Variants in NUMBL observed in about 807,000 individuals in gnomAD.
NUMBL encodes the protein NUMB like endocytic adaptor protein, also known as numb-like protein.
In NUMBL, 20 loss-of-function variants were observed where a neutral mutation model predicts 48.9. That is an observed-to-expected ratio of 0.41 (90% CI 0.29 to 0.59). NUMBL has a LOEUF of 0.59. Among genes scored for constraint, NUMBL ranks in the 20% least tolerant of loss-of-function variants. The probability of loss-of-function intolerance (pLI) is 0.31; values close to 1 mark genes in which losing one functional copy is unlikely to be tolerated. For missense variants in NUMBL, 660 were observed against 846.2 expected (o/e 0.78, Z 2.73); for synonymous variants, 340 against 348.7 (o/e 0.98, Z 0.28).
Position 40,680,960 on chromosome 19 carries a change from G to A in NUMBL, c.497C>T (p.Thr166Ile). ...AAAACAGTGGCAGATCCAGCGGCGG[G>A]TAGTCCCGTCACGACAGATATAGGA... ...AFSYICRDGT[T>I]RRWICHCFLA... is the part of the protein sequence containing the mutation. The change falls in exon 6 of 10, where the codon ACC becomes ATC. Residue 166 changes from threonine to isoleucine, a missense_variant. Physicochemically the swap from Thr to Ile is moderately conservative, Grantham distance 89 (BLOSUM62 -1). This residue lies in a region of NUMBL where 278 missense variants were observed against 420.6 expected (regional missense o/e 0.66). Coordinates refer to ENST00000252891, the MANE Select transcript of NUMBL (RefSeq NM_004756.5). 2 of 1,614,198 alleles carry A rather than the reference G, an allele frequency of 1.2e-6. No homozygotes were observed. The highest frequency in any genetic ancestry group is 1.7e-6 in the Non-Finnish European group (2 of 1,180,042).
Position 40,673,510 on chromosome 19 carries a change from G to A in NUMBL, c.870C>T (p.Ile290=). 6.4e-7 allele frequency: 1 copy of A among 1,572,170 alleles called. No homozygotes were observed. The highest frequency in any genetic ancestry group is 8.6e-7 in the Non-Finnish European group (1 of 1,159,024). The change falls in exon 8 of 10, where the codon ATC becomes ATT. Residue 290 remains isoleucine, a synonymous_variant. Transcript: ENST00000252891. The surrounding 1 kb of genome is among the most constrained non-coding windows in gnomAD (Gnocchi z 5.9). ...GCTCCAGGGGTGCATGGCGCCGGGG[G>A]ATGGCGGCCGCAGTGGTGCCTGCAG... The part of the protein sequence containing the change: ...PVAAGTTAAA[I]PRRHAPLEQL...
At chr19:40,690,257 A>C in intron 1 of NUMBL, 2 of 368,394 alleles carry the variant, frequency 5.4e-6, no homozygotes, top group Non-Finnish European at 4.8e-6. Context: ...GGCCTTGGCA[A>C]GAGATGGCCC....
intron 8 of NUMBL, among the ~76,000 whole-genome samples, 194 bp from the exon 9 acceptor site, chr19:40,670,214 T>C (rs923007167): frequency 2.0e-5 from 3 of 152,120 alleles, no homozygotes; most frequent in African/African-American, 7.2e-5. Flanking sequence ...ACTGAGTTAG[T>C]GTGTGACATT....
At chr19:40,675,533 T>A (rs2081871182) in intron 7 of NUMBL, among the ~76,000 whole-genome samples, 1 of 150,022 alleles carries the variant, frequency 6.7e-6, no homozygotes, top group African/African-American at 2.5e-5. Context: ...AATAAATAAA[T>A]TAATTATATG....
At position 40,667,617 on chromosome 19, in the gene NUMBL, G is replaced by T. The variant is rs1319820105; in HGVS notation, c.1681C>A (p.Pro561Thr). ...SQARPRPNGAPWPPEPAPAPA... is the reference protein window; with the variant it reads ...SQARPRPNGATWPPEPAPAPA... ...GCAGGCGCTGGCTCAGGGGGCCAGG[G>T]GGCCCCATTGGGGCGAGGGCGGGCC... Residue 561 changes from proline (P) to threonine (T), a missense_variant, in exon 10 of 10, where the codon CCC becomes ACC. This residue lies in a region of NUMBL where 296 missense variants were observed against 339.7 expected (regional missense o/e 0.87). Coordinates refer to ENST00000252891, the MANE Select transcript of NUMBL (RefSeq NM_004756.5). This position sits in a 1 kb window ranked among gnomAD's most constrained non-coding sequence, Gnocchi z 6.1. 9.0e-6 allele frequency: 14 copies of T among 1,554,680 alleles called. No homozygotes were observed. The Admixed American group carries it at 1.2e-4, about 13-fold the overall frequency.
intron 8 of NUMBL, among the ~76,000 whole-genome samples, chr19:40,671,810 T>C (rs1488167258): frequency 1.3e-5 from 2 of 152,140 alleles, no homozygotes; most frequent in Admixed American, 1.3e-4. Flanking sequence ...ACAGCCCTTC[T>C]GCCTGCCTCC....
In NUMBL at chr19:40,667,637, C is replaced by A; in HGVS notation, c.1661G>T (p.Arg554Leu). ...AIPSAPGSQA[R>L]PRPNGAPWPP... ...CCAGGGGGCCCCATTGGGGCGAGGG[C>A]GGGCCTGGCTCCCAGGGGCACTGGG... Residue 554 changes from arginine (R) to leucine (L), a missense_variant, in exon 10 of 10, where the codon CGC becomes CTC. Arg to Leu is a moderately radical substitution (Grantham distance 102, BLOSUM62 -2). Around this residue, in one of 3 missense-constraint regions of NUMBL, gnomAD observed 296 missense variants for 339.7 expected, o/e 0.87. Transcript: ENST00000252891. This position sits in a 1 kb window ranked among gnomAD's most constrained non-coding sequence, Gnocchi z 6.1. 1 of 1,556,812 alleles carries A rather than the reference C, an allele frequency of 6.4e-7. No homozygotes were observed. The highest frequency in any genetic ancestry group is 8.7e-7 in the Non-Finnish European group (1 of 1,150,424).
At chr19:40,680,695 C>T (rs753943570) in intron 6 of NUMBL, among the ~76,000 whole-genome samples, 26 of 152,138 alleles carry the variant, frequency 1.7e-4, no homozygotes, top group Non-Finnish European at 2.8e-4. Flanking sequence ...GCAATCCCCC[C>T]GCCCCAGCAT....
chr19:40,687,030 G>A lies in NUMBL; in HGVS notation c.25-35C>T, dbSNP rs976109564. 1 of 1,343,708 alleles carries A rather than the reference G, an allele frequency of 7.4e-7. No homozygotes were observed. Among genetic ancestry groups the A allele is most frequent in the Non-Finnish European group, 1.0e-6 (1 of 1,001,526 alleles). 83.2% of individuals were successfully genotyped at this position (1,343,708 alleles called of 1,614,324 possible). A position where few individuals can be genotyped will look rare whatever the true frequency, so the allele number is the denominator to read the frequency against. On this transcript the variant is annotated intron_variant, in intron 1 of 9. Coordinates refer to ENST00000252891, the MANE Select transcript of NUMBL (RefSeq NM_004756.5). This position sits in a 1 kb window ranked among gnomAD's most constrained non-coding sequence, Gnocchi z 4.6. ...TAGGGGAGGAGAAGGTGAGAAGTTT[G>A]TCTGGGTTGGGGCTCAGTCTGATAC...
In NUMBL at chr19:40,673,529, C is replaced by T; in HGVS notation, c.851G>A (p.Gly284Asp). The change falls in exon 8 of 10, where the codon GGC becomes GAC. Residue 284 changes from glycine to aspartate, a missense_variant. Physicochemically the swap from Gly to Asp is moderately conservative, Grantham distance 94 (BLOSUM62 -1). Coordinates refer to ENST00000252891, the MANE Select transcript of NUMBL (RefSeq NM_004756.5). The surrounding 1 kb of genome is among the most constrained non-coding windows in gnomAD (Gnocchi z 5.9). ...CCGGGGGATGGCGGCCGCAGTGGTG[C>T]CTGCAGCCACAGGGGTGCCTGCCTC... Reference protein sequence around the residue: ...KGEAGTPVAAGTTAAAIPRRH... With the variant: ...KGEAGTPVAADTTAAAIPRRH... 1 of 1,560,458 alleles carries T rather than the reference C, an allele frequency of 6.4e-7. No homozygotes were observed.
chr19:40,689,611 G>C (rs2081952455), intron 1 of NUMBL: 1 of 152,442 alleles, frequency 6.6e-6, no homozygotes, highest in East Asian at 1.9e-4. Flanking sequence ...CAGACAGACA[G>C]GGCTGCACCC....
rs780141573 is a variant in NUMBL, at chr19:40,669,940, T to C, written c.1117A>G (p.Ser373Gly). 1 of 1,614,076 alleles carries C rather than the reference T, an allele frequency of 6.2e-7. No homozygotes were observed. The highest frequency in any genetic ancestry group is 1.1e-5 in the South Asian group (1 of 91,084). Residue 373 changes from serine (S) to glycine (G), a missense_variant, in exon 9 of 10, where the codon AGT (serine) becomes GGT (glycine). Coordinates refer to ENST00000252891, the MANE Select transcript of NUMBL (RefSeq NM_004756.5). ...LCTQISSSFA[S>G]AGAPAPGPPP... ...GGCCCTGGTGCTGGCGCTCCAGCAC[T>C]GGCAAAAGATGAACTGATCTGTGTG...
chr19:40,677,480 G>A, intron 6 of NUMBL, 59 bp from the exon 7 acceptor site: 1 of 1,509,386 alleles, frequency 6.6e-7, no homozygotes, highest in Non-Finnish European at 9.0e-7. Flanking sequence ...ACAGGGGCCA[G>A]GGGCACTGGG....
At chr19:40,684,243 T>A in intron 3 of NUMBL, 174 bp downstream of exon 3, 1 of 659,048 alleles carries the variant, frequency 1.5e-6, no homozygotes, top group Admixed American at 3.2e-5. Context: ...TAATTTGTTG[T>A]ATTTCTAGTA....
Position 40,675,138 on chromosome 19 carries a change from G to A in NUMBL, c.731-1489C>T, listed in dbSNP as rs2081868008. On this transcript the variant is annotated intron_variant, in intron 7 of 9. Coordinates refer to ENST00000252891, the MANE Select transcript of NUMBL (RefSeq NM_004756.5). ...AGCCTGGGCAACAGAGCAAGACTCT[G>A]TCTCAAAAAAAAAAAAAAAAAAAAA... Among the ~76,000 whole-genome samples the A allele has an allele frequency of 4.2e-5, 3 of 71,578 alleles. 1 individual carries two copies. Among genetic ancestry groups the A allele is most frequent in the African/African-American group, 7.2e-5 (1 of 13,918 alleles). 47.0% of individuals were successfully genotyped at this position (71,578 alleles called of 152,430 possible). A position where few individuals can be genotyped will look rare whatever the true frequency, so the allele number is the denominator to read the frequency against.
rs529781700 is a variant in NUMBL at position 40,688,015 on chromosome 19, C to T, written c.25-1020G>A. Among the ~76,000 whole-genome samples the T allele has an allele frequency of 3.3e-5, 5 of 152,310 alleles. No individual in the cohort carries two copies. Among genetic ancestry groups the T allele is most frequent in the African/African-American group, 4.8e-5 (2 of 41,552 alleles). ...TGACAGCCACACTCATAGGGACAGT[C>T]CTCTATACACAACCACATACAGAGG... On this transcript the variant is annotated intron_variant, in intron 1 of 9. Transcript: ENST00000252891. This position sits in a 1 kb window ranked among gnomAD's most constrained non-coding sequence, Gnocchi z 4.6.
chr19:40,673,431 A>T lies in NUMBL; in HGVS notation c.949T>A (p.Ser317Thr). ...AGGCTCAGCTGCCGTTTGAAAGGCG[A>T]GTTCTTCTGGCTGAGTGCTGGGAAC... ...RGFPALSQKN[S>T]PFKRQLSLRL... The change falls in exon 8 of 10, where the codon TCG becomes ACG. Residue 317 changes from serine to threonine, a missense_variant. By Grantham distance (58) the Ser-to-Thr change is moderately conservative. Around this residue, in one of 3 missense-constraint regions of NUMBL, gnomAD observed 278 missense variants for 420.6 expected, o/e 0.66. Transcript: ENST00000252891. The surrounding 1 kb of genome is among the most constrained non-coding windows in gnomAD (Gnocchi z 5.9). 1.2e-6 allele frequency: 2 copies of T among 1,612,932 alleles called. No homozygotes were observed. The highest frequency in any genetic ancestry group is 1.7e-6 in the Non-Finnish European group (2 of 1,179,510).
intron 1 of NUMBL, 104 bp downstream of exon 1, chr19:40,690,356 T>C: frequency 1.5e-6 from 1 of 659,668 alleles, no homozygotes; most frequent in Non-Finnish European, 2.2e-6. Context: ...CTCTCCAGCC[T>C]TGGCACCCTC....
chr19:40,676,923 T>C (rs1411314139), intron 7 of NUMBL, among the ~76,000 whole-genome samples: 3 of 152,016 alleles, frequency 2.0e-5, no homozygotes, highest in Admixed American at 6.5e-5. Context: ...CCAGCGATCC[T>C]CCTGCCTCAG....
Sources: gnomAD v4.1 joint callset for allele counts (sites outside exome capture counted in the v4.1 genomes callset) on GRCh38, gnomAD v4.1.1 for gene constraint, gnomAD v4.1.1 regional missense constraint, Gnocchi (gnomAD v3.1) non-coding constraint, MANE v1.5 for transcripts, NCBI Gene and HGNC (gene_info 2026-07-23, HGNC 2026-07-21) for gene names.